ANK2: variants seen among roughly 807,000 people sequenced by gnomAD.
ANK2 encodes ankyrin-2.
In ANK2, 83 loss-of-function variants were observed where a neutral mutation model predicts 360.5. The observed-to-expected ratio is 0.23, with a 90% CI of 0.19 to 0.28. The LOEUF is 0.28. Among genes scored for constraint, ANK2 ranks in the 10% least tolerant of loss-of-function variants. ANK2 has a pLI of 1.00. For synonymous variants in ANK2, 1,740 were observed against 1,759.5 expected, an observed-to-expected ratio of 0.99 and a Z score of 0.28; for missense variants, 4,201 against 4,795.7, an observed-to-expected ratio of 0.88 and a Z score of 3.66.
At chr4:113,203,701 T>A (rs1277061962) in intron 4 of ANK2, among the ~76,000 whole-genome samples, 1 of 152,190 alleles carries the variant, frequency 6.6e-6, no homozygotes, top group African/African-American at 2.4e-5. Context: ...TAGTGTGTTG[T>A]GTACATTATC....
chr4:112,958,826 T>C (rs1379506981), intron 2 of ANK2, among the ~76,000 whole-genome samples: 1 of 142,120 alleles, frequency 7.0e-6, no homozygotes, highest in Admixed American at 7.1e-5. Flanking sequence ...AAAAATCTAT[T>C]TTGGGGGTAC....
At chr4:113,333,310 G>GTA in intron 29 of ANK2, 102 bp downstream of exon 29, 1 of 1,305,236 alleles carries the variant, frequency 7.7e-7, no homozygotes, top group East Asian at 2.4e-5. Context: ...GTGTGTGTGT[G>GTA]TGTGTGTGTG....
intron 1 of ANK2, among the ~76,000 whole-genome samples, chr4:112,840,757 T>G (rs1317511184): frequency 1.3e-5 from 2 of 152,242 alleles, no homozygotes; most frequent in Admixed American, 6.5e-5. Flanking sequence ...GTGAGTCTAG[T>G]AGCATCATCC....
rs868785893 is a variant in ANK2, at chr4:113,352,143, C to T, written c.4427-902C>T. ...TTTCAGCAAGGCCGCCTCTCCCAGCCGTTTTACTCCACCTTTGCTTTGCAT... is the reference window on the plus strand; with the variant it reads ...TTTCAGCAAGGCCGCCTCTCCCAGCTGTTTTACTCCACCTTTGCTTTGCAT... On this transcript the variant is annotated intron_variant, in intron 37 of 45. Coordinates refer to ENST00000357077, the MANE Select transcript of ANK2 (RefSeq NM_001148.6). Among the ~76,000 whole-genome samples, 41 of 152,320 alleles carry T rather than the reference C, an allele frequency of 2.7e-4. No homozygotes were observed. The South Asian group carries it at 4.6e-3, about 17-fold the overall frequency.
intron 1 of ANK2, among the ~76,000 whole-genome samples, chr4:113,169,259 C>G (rs1303632834): frequency 1.3e-5 from 2 of 152,048 alleles, no homozygotes; most frequent in African/African-American, 2.4e-5. Context: ...CATACAATGA[C>G]CCAAGATCGG....
rs554432154 is a variant in ANK2 at position 112,880,743 on chromosome 4, T to G, written c.-39-23712T>G. The stretch of plus-strand genomic sequence containing the variant: ...GTCCTCTGATCCTTTTTTCCTTTTC[T>G]TCTTTTCTCTGTTTGATTATTTAGA... On this transcript the variant is annotated intron_variant, in intron 1 of 30. Transcript: ENST00000503271. 8 of 152,362 alleles carry G rather than the reference T, an allele frequency of 5.3e-5. No individual in the cohort carries two copies. In the East Asian group the frequency reaches 1.5e-3, roughly 29 times the overall value. 9.4% of individuals were successfully genotyped at this position (152,362 alleles called of 1,614,324 possible).
the ANK2 span, among the ~76,000 whole-genome samples, chr4:112,723,584 G>A: frequency 9.2e-5 from 14 of 152,120 alleles, no homozygotes; most frequent in Non-Finnish European, 1.8e-4. Flanking sequence ...GGCTGGTCTC[G>A]AACTCCTGAC....
At position 113,354,316 on chromosome 4, in the gene ANK2, A is replaced by G. The variant is rs752683548; in HGVS notation, c.5698A>G (p.Arg1900Gly). Residue 1900 changes from arginine (R) to glycine (G), a missense_variant, in exon 38 of 46, where the codon AGA (arginine) becomes GGA (glycine). Physicochemically the swap from Arg to Gly is moderately radical, Grantham distance 125. Coordinates refer to ENST00000357077, the MANE Select transcript of ANK2 (RefSeq NM_001148.6). ...HSPVSSTKTE[R>G]HPPVSPSGKT... is the part of the protein sequence containing the mutation. ...TCCTGTGTCATCTACAAAAACAGAA[A>G]GACACCCACCTGTTTCGCCTTCAGG... is the stretch of plus-strand genomic sequence containing the variant. The G allele has an allele frequency of 1.2e-6, 2 of 1,614,026 alleles. No homozygotes were observed. The highest frequency in any genetic ancestry group is 1.3e-5 in the African/African-American group (1 of 74,918).
chr4:113,244,964 C>T (rs1585913379), intron 9 of ANK2, among the ~76,000 whole-genome samples: 2 of 152,154 alleles, frequency 1.3e-5, no homozygotes, highest in Admixed American at 1.3e-4. Flanking sequence ...TTTATGGCTG[C>T]ATAGTATTCC....
chr4:112,822,548 C>A (rs1035553893), intron 1 of ANK2, among the ~76,000 whole-genome samples: 9 of 151,740 alleles, frequency 5.9e-5, no homozygotes, highest in Non-Finnish European at 1.2e-4. Flanking sequence ...GAGTTCGAGA[C>A]CAGCTTGACC....
chr4:112,980,410 C>T (rs537758459), intron 2 of ANK2: 3 of 152,604 alleles, frequency 2.0e-5, no homozygotes, highest in African/African-American at 7.2e-5. Flanking sequence ...GGTTGGGGCT[C>T]CCCCTGTTCT....
At position 113,099,781 on chromosome 4, in the gene ANK2, G is replaced by C. The variant is rs570489488; in HGVS notation, c.84+49969G>C. 1.3e-3 allele frequency among the ~76,000 whole-genome samples: 205 copies of C among 152,118 alleles called. 1 individual carries two copies. The highest frequency in any genetic ancestry group is 4.6e-3 in the African/African-American group (190 of 41,550). On this transcript the variant is annotated intron_variant, in intron 1 of 45. Transcript: ENST00000357077. ...GTACTGGTGAAAGAATTAACACATA[G>C]ATCAATGGAAAAGAATAGAAAGCCC... is the stretch of plus-strand genomic sequence containing the variant.
chr4:112,745,854 T>C, the ANK2 span, among the ~76,000 whole-genome samples: 1 of 152,146 alleles, frequency 6.6e-6, no homozygotes, highest in East Asian at 1.9e-4. Context: ...ATCTTATTCA[T>C]TCTATCTAAA....
At chr4:112,788,701 A>G in the ANK2 span, 5 of 1,597,484 alleles carry the variant, frequency 3.1e-6, no homozygotes, top group Non-Finnish European at 3.4e-6. Flanking sequence ...AACCTGATAT[A>G]GCGGGGCCAT....
At chr4:112,725,429 C>T in the ANK2 span, among the ~76,000 whole-genome samples, 19 of 132,610 alleles carry the variant, frequency 1.4e-4, no homozygotes, top group East Asian at 4.9e-4. Flanking sequence ...GGCGCCATCT[C>T]GGCTCACTGC....
In ANK2 at chr4:113,151,037, A is replaced by C. The variant is rs563914421; in HGVS notation, c.85-23379A>C. The C allele has an allele frequency of 8.9e-4, 1,122 of 1,263,296 alleles. 2 individuals are homozygous for C. The highest frequency in any genetic ancestry group is 1.1e-3 in the Non-Finnish European group (1,098 of 973,256). 78.3% of individuals were successfully genotyped at this position (1,263,296 alleles called of 1,614,324 possible). ...TGAATGAATTAATGACTAGGAAATC[A>C]CCCAAAGTAGCAAATCTATTTATGG... On this transcript the variant is annotated intron_variant, in intron 1 of 45. Transcript: ENST00000357077.
intron 1 of ANK2, among the ~76,000 whole-genome samples, chr4:112,899,429 C>T (rs2082643176): frequency 6.6e-6 from 1 of 152,006 alleles, no homozygotes; most frequent in Non-Finnish European, 1.5e-5. Context: ...CATGCATATA[C>T]AATTTCTTCT....
upstream of ANK2, among the ~76,000 whole-genome samples, chr4:112,816,566 C>T (rs2149484857): frequency 1.3e-5 from 2 of 151,790 alleles, no homozygotes; most frequent in South Asian, 4.2e-4. Flanking sequence ...CCTTAATTAA[C>T]ATATAAGAAA....
intron 1 of ANK2, among the ~76,000 whole-genome samples, chr4:113,095,289 A>T (rs916569764): frequency 2.3e-4 from 35 of 152,084 alleles, no homozygotes; most frequent in African/African-American, 7.5e-4. Context: ...TACTGTGTTG[A>T]TGCTTCAGAA....
Sources: gnomAD v4.1 joint callset for allele counts (sites outside exome capture counted in the v4.1 genomes callset) on GRCh38, gnomAD v4.1.1 for gene constraint, MANE v1.5 for transcripts, NCBI Gene and HGNC (gene_info 2026-07-23, HGNC 2026-07-21) for gene names.